STRN: variants seen among roughly 807,000 people sequenced by gnomAD.
STRN encodes the protein protein phosphatase 2 regulatory subunit B'''alpha.
Under a neutral mutation model 96.3 loss-of-function variants are expected in STRN, and 53 were observed. The ratio of observed to expected loss-of-function variants is 0.55; its 90% CI spans 0.44 to 0.69. The LOEUF (loss-of-function observed/expected upper bound fraction) is 0.69, where lower values mean the gene tolerates loss of function less well. Among genes scored for constraint, STRN ranks in the 30% least tolerant of loss-of-function variants. The probability of loss-of-function intolerance (pLI) is 0.00; values close to 1 mark genes in which losing one functional copy is unlikely to be tolerated. For missense variants in STRN, 987 were observed against 963.9 expected, an observed-to-expected ratio of 1.02 and a Z score of -0.32; for synonymous variants, 428 against 355.9, an observed-to-expected ratio of 1.20 and a Z score of -2.28.
chr2:36,841,832 C>T lies in STRN; in HGVS notation c.*7624G>A, dbSNP rs763713440. Reference sequence around the variant, plus strand: ...TAATTTAGATAACAAGGACCAATGACAAGCCAGAATTGGAACCATTCATTC... The same window carrying T: ...TAATTTAGATAACAAGGACCAATGATAAGCCAGAATTGGAACCATTCATTC... On this transcript the variant is annotated 3_prime_UTR_variant, in exon 18 of 18. Transcript: ENST00000263918. 1 of 152,172 alleles carries T rather than the reference C, an allele frequency of 6.6e-6. No individual in the cohort carries two copies. The highest frequency in any genetic ancestry group is 2.4e-5 in the African/African-American group (1 of 41,438). 9.4% of individuals were successfully genotyped at this position (152,172 alleles called of 1,614,324 possible).
At chr2:36,941,553 CTTT>C (rs1048837614) in intron 1 of STRN, among the ~76,000 whole-genome samples, 1 of 145,096 alleles carries the variant, frequency 6.9e-6, no homozygotes, top group Non-Finnish European at 1.5e-5. Flanking sequence ...CTTATGTAAA[CTTT>C]TTTTTTTTTT....
chr2:36,888,452 C>G (rs1428374275), intron 7 of STRN, among the ~76,000 whole-genome samples: 2 of 152,196 alleles, frequency 1.3e-5, no homozygotes, highest in Non-Finnish European at 1.5e-5. Flanking sequence ...TCTAGCCACT[C>G]TGGCTCCCTT....
At chr2:36,920,560 C>T (rs1670225874) in intron 2 of STRN, among the ~76,000 whole-genome samples, 2 of 151,402 alleles carry the variant, frequency 1.3e-5, no homozygotes, top group South Asian at 4.2e-4. Flanking sequence ...ATCTCTTGAA[C>T]TCGGGAGGTG....
At chr2:36,923,859 T>G (rs1670328878) in intron 2 of STRN, among the ~76,000 whole-genome samples, 2 of 152,080 alleles carry the variant, frequency 1.3e-5, no homozygotes, top group Admixed American at 1.3e-4. Flanking sequence ...GAACTCAGAT[T>G]GTCGACAAAA....
intron 1 of STRN, among the ~76,000 whole-genome samples, chr2:36,940,758 A>C (rs1388583041): frequency 6.7e-6 from 1 of 148,320 alleles, no homozygotes; most frequent in African/African-American, 2.5e-5. Context: ...AATGGTGTGA[A>C]CCCGCGAAGC....
chr2:36,942,903 C>T (rs1323759432), intron 1 of STRN, among the ~76,000 whole-genome samples: 1 of 151,610 alleles, frequency 6.6e-6, no homozygotes, highest in African/African-American at 2.4e-5. Context: ...ACCATGTTGG[C>T]CAGGCTGGTG....
chr2:36,923,758 C>G (rs1304019504), intron 2 of STRN, among the ~76,000 whole-genome samples: 1 of 151,648 alleles, frequency 6.6e-6, no homozygotes, highest in East Asian at 1.9e-4. Context: ...AAGAGAAAAA[C>G]AAAACAAGCA....
chr2:36,966,143 G>A (rs1207480227), intron 1 of STRN, 87 bp downstream of exon 1: 2 of 1,350,376 alleles, frequency 1.5e-6, no homozygotes, highest in Non-Finnish European at 1.9e-6. Context: ...GACGCGAGAA[G>A]GCTGGGGGAG....
intron 2 of STRN, among the ~76,000 whole-genome samples, chr2:36,916,758 G>A (rs1670109900): frequency 6.6e-6 from 1 of 152,094 alleles, no homozygotes; most frequent in African/African-American, 2.4e-5. Context: ...AAAAAGAACT[G>A]TGAATGGGAA....
intron 15 of STRN, among the ~76,000 whole-genome samples, chr2:36,854,985 C>A (rs1362376838): frequency 6.6e-6 from 1 of 151,864 alleles, no homozygotes; most frequent in Admixed American, 6.6e-5. Flanking sequence ...AAAACTTGAC[C>A]CATAACAGCT....
intron 10 of STRN, among the ~76,000 whole-genome samples, chr2:36,874,756 G>C (rs1668858354): frequency 8.5e-6 from 1 of 117,148 alleles, no homozygotes; most frequent in Non-Finnish European, 1.8e-5. Context: ...CTGCCAACTA[G>C]AATTCAATAC....
At chr2:36,940,238 A>C (rs1473245519) in intron 1 of STRN, among the ~76,000 whole-genome samples, 2 of 152,164 alleles carry the variant, frequency 1.3e-5, no homozygotes, top group African/African-American at 4.8e-5. Context: ...AAAGTAATAG[A>C]AGAAATATAA....
At chr2:36,902,791 T>A (rs1669723731) in intron 4 of STRN, 40 bp from the exon 5 acceptor site, 1 of 1,492,882 alleles carries the variant, frequency 6.7e-7, no homozygotes, top group Non-Finnish European at 9.1e-7. Context: ...CATACTGGAA[T>A]CAGTATTCTA....
At chr2:36,939,381 ATG>A in intron 1 of STRN, among the ~76,000 whole-genome samples, 1 of 151,358 alleles carries the variant, frequency 6.6e-6, no homozygotes, top group South Asian at 2.1e-4. Context: ...ATTAGACGTG[ATG>A]ATAATATCTA....
intron 5 of STRN, among the ~76,000 whole-genome samples, chr2:36,902,146 A>G (rs948930635): frequency 2.6e-5 from 4 of 152,252 alleles, no homozygotes; most frequent in Non-Finnish European, 5.9e-5. Context: ...ATAGCTACTT[A>G]AAATAGATAT....
intron 10 of STRN, among the ~76,000 whole-genome samples, chr2:36,873,214 T>A (rs553482483): frequency 3.9e-4 from 60 of 152,330 alleles, no homozygotes; most frequent in Admixed American, 7.8e-4. Context: ...GCTGCATACA[T>A]CTGAGAAAAG....
intron 2 of STRN, among the ~76,000 whole-genome samples, chr2:36,920,282 T>C (rs1254753923): frequency 3.3e-5 from 5 of 152,214 alleles, no homozygotes; most frequent in African/African-American, 1.2e-4. Context: ...AAAAATGTCT[T>C]AGATTATACA....
At chr2:36,944,619 A>C (rs1019741032) in intron 1 of STRN, among the ~76,000 whole-genome samples, 1 of 152,214 alleles carries the variant, frequency 6.6e-6, no homozygotes, top group Non-Finnish European at 1.5e-5. Context: ...TGTAACACTA[A>C]CCTGAAAAAT....
intron 1 of STRN, 57 bp downstream of exon 1, chr2:36,966,172 CG>C: frequency 8.1e-7 from 1 of 1,228,114 alleles, no homozygotes; most frequent in Non-Finnish European, 1.0e-6. Flanking sequence ...GGGTCCGGGG[CG>C]GGGCGGAAGG....
Sources: gnomAD v4.1 joint callset for allele counts (sites outside exome capture counted in the v4.1 genomes callset) on GRCh38, gnomAD v4.1.1 for gene constraint, MANE v1.5 for transcripts, NCBI Gene and HGNC (gene_info 2026-07-23, HGNC 2026-07-21) for gene names.